TRPM3: variants seen among roughly 807,000 people sequenced by gnomAD.
TRPM3 encodes the protein long transient receptor potential channel 3.
A neutral mutation model predicts 181.2 loss-of-function variants in TRPM3; 77 were observed. That is an observed-to-expected ratio of 0.42 (90% CI 0.35 to 0.51). The LOEUF (loss-of-function observed/expected upper bound fraction) is 0.51, where lower values mean the gene tolerates loss of function less well. Among genes scored for constraint, TRPM3 ranks in the 20% least tolerant of loss-of-function variants. The pLI, the probability that TRPM3 is intolerant of heterozygous loss-of-function variation, is 0.01. For synonymous variants in TRPM3, 745 were observed against 796.4 expected (o/e 0.94, Z 1.09); for missense variants, 1,759 against 2,196.7 (o/e 0.80, Z 3.98).
intron 8 of TRPM3, among the ~76,000 whole-genome samples, chr9:70,744,999 A>G (rs1564096838): frequency 6.6e-6 from 1 of 152,182 alleles, no homozygotes; most frequent in South Asian, 2.1e-4. Flanking sequence ...AAATGGAGAT[A>G]CTAATACCGA....
chr9:70,777,610 G>T (rs1487509469), intron 7 of TRPM3, among the ~76,000 whole-genome samples: 1 of 151,966 alleles, frequency 6.6e-6, no homozygotes, highest in Non-Finnish European at 1.5e-5. Context: ...AACTGCCGTG[G>T]TATTTTCTCC....
At chr9:70,752,068 A>G (rs2076294080) in intron 8 of TRPM3, among the ~76,000 whole-genome samples, 1 of 143,846 alleles carries the variant, frequency 7.0e-6, no homozygotes, top group African/African-American at 2.5e-5. Context: ...GCGCGCATAC[A>G]CATGTACATG....
At chr9:71,029,891 G>A (rs2057068743) in intron 1 of TRPM3, among the ~76,000 whole-genome samples, 1 of 152,124 alleles carries the variant, frequency 6.6e-6, no homozygotes. Context: ...TTGCTTTGGT[G>A]GACTGCTCAT....
chr9:70,805,443 A>G (rs2090446736), intron 6 of TRPM3, among the ~76,000 whole-genome samples: 1 of 148,638 alleles, frequency 6.7e-6, no homozygotes, highest in Non-Finnish European at 1.5e-5. Context: ...CTAAGGCAGG[A>G]GAATGGCGTG....
chr9:70,964,813 A>T (rs1033618320), intron 1 of TRPM3, among the ~76,000 whole-genome samples: 1 of 152,124 alleles, frequency 6.6e-6, no homozygotes, highest in African/African-American at 2.4e-5. Context: ...CAATCAGAAG[A>T]ATTTTCTAAA....
At chr9:71,048,201 C>T (rs2133108084) in intron 1 of TRPM3, among the ~76,000 whole-genome samples, 2 of 152,312 alleles carry the variant, frequency 1.3e-5, no homozygotes, top group Middle Eastern at 6.8e-3. Context: ...TATACATTTT[C>T]ATCATTCCAT....
chr9:71,187,956 C>A, intron 1 of TRPM3, among the ~76,000 whole-genome samples: 1 of 149,396 alleles, frequency 6.7e-6, no homozygotes, highest in African/African-American at 2.5e-5. Flanking sequence ...GATAGATCAT[C>A]GCATTTTTTA....
chr9:71,041,389 A>T (rs1175197898), intron 1 of TRPM3, among the ~76,000 whole-genome samples: 1 of 152,184 alleles, frequency 6.6e-6, no homozygotes, highest in African/African-American at 2.4e-5. Context: ...TTTCCTTCAA[A>T]CCATAATAAC....
At chr9:71,371,202 G>T (rs577353049) in intron 1 of TRPM3, among the ~76,000 whole-genome samples, 13 of 152,296 alleles carry the variant, frequency 8.5e-5, no homozygotes, top group African/African-American at 3.1e-4. Context: ...GCAGCCCATG[G>T]ATCAAGGAGG....
chr9:70,555,659 T>C (rs2047513391), intron 22 of TRPM3, among the ~76,000 whole-genome samples: 1 of 152,198 alleles, frequency 6.6e-6, no homozygotes, highest in Admixed American at 6.5e-5. Context: ...GGAATCTTCT[T>C]ACACTCAACC....
intron 1 of TRPM3, among the ~76,000 whole-genome samples, chr9:70,938,517 G>T (rs1234877833): frequency 6.6e-6 from 1 of 151,554 alleles, no homozygotes; most frequent in East Asian, 1.9e-4. Context: ...AGTCCTCTTT[G>T]CAGATTTCTT....
intron 5 of TRPM3, among the ~76,000 whole-genome samples, chr9:70,830,073 G>C (rs1410462168): frequency 6.6e-6 from 1 of 152,198 alleles, no homozygotes; most frequent in Non-Finnish European, 1.5e-5. Flanking sequence ...TTGAGAAGGA[G>C]GGGTAAGACC....
At chr9:71,136,108 A>T (rs905628614) in intron 1 of TRPM3, among the ~76,000 whole-genome samples, 3 of 152,224 alleles carry the variant, frequency 2.0e-5, no homozygotes, top group African/African-American at 7.2e-5. Context: ...AGATTAATAC[A>T]TCGTCCACGT....
rs1260033621 is a variant in TRPM3, at chr9:71,021,585, C to T, written c.177+99593G>A. Among the ~76,000 whole-genome samples, 6 of 152,112 alleles carry T rather than the reference C, an allele frequency of 3.9e-5. No homozygotes were observed. The East Asian group carries it at 9.6e-4, about 24-fold the overall frequency. The stretch of plus-strand genomic sequence containing the variant: ...AAATCTAGTAATGTCTATTGACCTT[C>T]AACTTTTAAAATCAAACTATAAATA... On this transcript the variant is annotated intron_variant, in intron 1 of 25. Coordinates refer to ENST00000677713, the MANE Select transcript of TRPM3 (RefSeq NM_001366145.2).
At chr9:71,098,609 G>A (rs1465536665) in intron 1 of TRPM3, among the ~76,000 whole-genome samples, 1 of 152,060 alleles carries the variant, frequency 6.6e-6, no homozygotes, top group Non-Finnish European at 1.5e-5. Context: ...CTAGACCTAA[G>A]GATAATGAAT....
chr9:71,100,398 A>G (rs944006475), intron 1 of TRPM3, among the ~76,000 whole-genome samples: 1 of 152,142 alleles, frequency 6.6e-6, no homozygotes, highest in Non-Finnish European at 1.5e-5. Flanking sequence ...CTTCACTCTC[A>G]GGAAGTGACA....
At chr9:71,127,300 C>CACACACACACACACAT (rs911529932) in intron 1 of TRPM3, among the ~76,000 whole-genome samples, 5 of 151,834 alleles carry the variant, frequency 3.3e-5, no homozygotes, top group African/African-American at 1.2e-4. Context: ...AAAACACACA[C>CACACACACACACACAT]ACACACACAC....
intron 1 of TRPM3, among the ~76,000 whole-genome samples, chr9:71,330,315 A>C (rs2132528302): frequency 6.6e-6 from 1 of 152,024 alleles, no homozygotes; most frequent in South Asian, 2.1e-4. Flanking sequence ...GGAACCAAAA[A>C]GTTTTCAGTT....
intron 1 of TRPM3, among the ~76,000 whole-genome samples, chr9:71,168,006 A>AAATGAG: frequency 6.6e-6 from 1 of 152,192 alleles, no homozygotes; most frequent in Admixed American, 6.5e-5. Flanking sequence ...GACATACCTC[A>AAATGAG]TTTAGAGGAA....
Sources: gnomAD v4.1 joint callset for allele counts (sites outside exome capture counted in the v4.1 genomes callset) on GRCh38, gnomAD v4.1.1 for gene constraint, MANE v1.5 for transcripts, NCBI Gene and HGNC (gene_info 2026-07-23, HGNC 2026-07-21) for gene names.